The following MAPK10 variants were observed in gnomAD, a reference collection of about 807,000 sequenced individuals.
MAPK10 encodes the protein JNK3 alpha protein kinase.
Under a neutral mutation model 59.3 loss-of-function variants are expected in MAPK10, and 25 were observed. That is an observed-to-expected ratio of 0.42 (90% CI 0.31 to 0.59). MAPK10 has a LOEUF of 0.59. Ranked by LOEUF, MAPK10 falls within the 20% of genes least tolerant of loss-of-function variation. The pLI is 0.15. For synonymous variants in MAPK10, 190 were observed against 200.5 expected, an observed-to-expected ratio of 0.95 and a Z score of 0.44; for missense variants, 351 against 568.9, an observed-to-expected ratio of 0.62 and a Z score of 3.90.
intron 1 of MAPK10, among the ~76,000 whole-genome samples, chr4:86,540,449 G>A (rs574300593): frequency 3.9e-5 from 6 of 152,106 alleles, no homozygotes; most frequent in Admixed American, 2.6e-4. Flanking sequence ...GCAGTGAGCC[G>A]GGATCACATC....
intron 3 of MAPK10, among the ~76,000 whole-genome samples, chr4:86,190,134 C>T (rs1378350739): frequency 6.6e-6 from 1 of 152,084 alleles, no homozygotes; most frequent in African/African-American, 2.4e-5. Flanking sequence ...TGATGTGCTG[C>T]TGGATTTGGT....
chr4:86,046,852 G>A (rs2042589365), intron 11 of MAPK10, among the ~76,000 whole-genome samples: 1 of 152,036 alleles, frequency 6.6e-6, no homozygotes, highest in Non-Finnish European at 1.5e-5. Context: ...GCCAGACAGT[G>A]TTCTAGGTAG....
At chr4:86,178,292 A>G (rs2076145057) in intron 3 of MAPK10, among the ~76,000 whole-genome samples, 1 of 152,122 alleles carries the variant, frequency 6.6e-6, no homozygotes. Flanking sequence ...AATTTTTCAC[A>G]CACAGTAAGT....
chr4:86,037,052 A>G (rs1163676005), intron 11 of MAPK10, among the ~76,000 whole-genome samples: 2 of 152,210 alleles, frequency 1.3e-5, no homozygotes, highest in Non-Finnish European at 2.9e-5. Flanking sequence ...TTAGAAACGT[A>G]AAATTCAGCT....
At chr4:86,156,881 C>T (rs1345780274) in intron 4 of MAPK10, among the ~76,000 whole-genome samples, 1 of 152,018 alleles carries the variant, frequency 6.6e-6, no homozygotes, top group Middle Eastern at 3.2e-3. Context: ...CAATTCCCCA[C>T]CTACGAGGCT....
intron 1 of MAPK10, chr4:86,358,815 T>C (rs1735795191): frequency 6.6e-6 from 1 of 152,130 alleles, no homozygotes; most frequent in African/African-American, 2.4e-5. Flanking sequence ...TATTTCTGAT[T>C]TTTTTTTCAA....
At chr4:86,453,892 T>C (rs1751002661), upstream of MAPK10, among the ~76,000 whole-genome samples, 1 of 152,066 alleles carries the variant, frequency 6.6e-6, no homozygotes, top group Non-Finnish European at 1.5e-5. Context: ...CTGGAGGAAG[T>C]ACTGGTATCC....
chr4:86,275,507 C>A (rs2094548020), intron 2 of MAPK10, among the ~76,000 whole-genome samples: 2 of 151,966 alleles, frequency 1.3e-5, no homozygotes, highest in South Asian at 4.1e-4. Context: ...CAGCAAATAT[C>A]AGAGAAAATT....
chr4:86,317,001 A>G (rs989759053), intron 2 of MAPK10, among the ~76,000 whole-genome samples: 3 of 152,154 alleles, frequency 2.0e-5, no homozygotes, highest in Non-Finnish European at 2.9e-5. Flanking sequence ...GATTTATCCC[A>G]AAGTAATTCA....
chr4:86,588,479 A>G (rs779145235), intron 1 of MAPK10, among the ~76,000 whole-genome samples: 3 of 152,342 alleles, frequency 2.0e-5, no homozygotes, highest in Non-Finnish European at 4.4e-5. Flanking sequence ...AAATCAGATC[A>G]TACTATATGG....
chr4:86,490,925 T>C (rs1754407362), intron 1 of MAPK10, among the ~76,000 whole-genome samples: 1 of 152,222 alleles, frequency 6.6e-6, no homozygotes, highest in Non-Finnish European at 1.5e-5. Flanking sequence ...ATGTACCAGA[T>C]ACTGTGTTAG....
intron 6 of MAPK10, 199 bp from the exon 7 acceptor site, chr4:86,102,231 G>T: frequency 4.4e-6 from 2 of 458,624 alleles, no homozygotes; most frequent in Non-Finnish European, 3.9e-6. Context: ...AGTAGAAAAA[G>T]CATTTATTAA....
At chr4:86,338,867 A>T (rs550676321) in intron 2 of MAPK10, among the ~76,000 whole-genome samples, 1 of 149,402 alleles carries the variant, frequency 6.7e-6, no homozygotes, top group South Asian at 2.2e-4. Context: ...AACAAAATTT[A>T]GTGCCTAGTG....
At chr4:86,261,469 T>C (rs1186228372) in intron 2 of MAPK10, among the ~76,000 whole-genome samples, 1 of 152,216 alleles carries the variant, frequency 6.6e-6, no homozygotes, top group Non-Finnish European at 1.5e-5. Flanking sequence ...GCATAATGTG[T>C]GTGGGTAAAG....
At chr4:86,198,381 T>A (rs1203997551) in intron 2 of MAPK10, among the ~76,000 whole-genome samples, 1 of 152,126 alleles carries the variant, frequency 6.6e-6, no homozygotes, top group Non-Finnish European at 1.5e-5. Flanking sequence ...CTATGGGAAC[T>A]GGGGCCCGAG....
At chr4:86,501,826 A>C (rs1393355761) in intron 1 of MAPK10, among the ~76,000 whole-genome samples, 1 of 152,000 alleles carries the variant, frequency 6.6e-6, no homozygotes, top group Non-Finnish European at 1.5e-5. Context: ...GCATAGTTGA[A>C]TTTTTCCTCC....
At chr4:86,277,365 T>C (rs1235716142) in intron 2 of MAPK10, 1 of 152,184 alleles carries the variant, frequency 6.6e-6, no homozygotes, top group Non-Finnish European at 1.5e-5. Context: ...ATAGACATCA[T>C]CTGTGGCATA....
intron 9 of MAPK10, among the ~76,000 whole-genome samples, chr4:86,072,341 G>C (rs1387194061): frequency 6.6e-6 from 1 of 152,040 alleles, no homozygotes; most frequent in Non-Finnish European, 1.5e-5. Flanking sequence ...TCTCCAAACA[G>C]GGACAATTTG....
intron 4 of MAPK10, among the ~76,000 whole-genome samples, chr4:86,143,125 AG>A (rs975851750): frequency 6.6e-6 from 1 of 152,172 alleles, no homozygotes; most frequent in Non-Finnish European, 1.5e-5. Flanking sequence ...ATAGGGTGGC[AG>A]GACGGAGTGA....
Sources: allele counts gnomAD v4.1 joint callset (sites outside exome capture counted in the v4.1 genomes callset), GRCh38; gene constraint gnomAD v4.1.1; transcripts MANE v1.5; gene names NCBI Gene and HGNC (gene_info 2026-07-23, HGNC 2026-07-21).